The following C1orf167 variants were observed in gnomAD, a reference collection of about 807,000 sequenced individuals.
The protein encoded by C1orf167 is chromosome 1 open reading frame 167.
Under a neutral mutation model 176.5 loss-of-function variants are expected in C1orf167, and 153 were observed. The observed-to-expected ratio is 0.87, with a 90% CI of 0.76 to 0.99. The LOEUF is 0.99. Ranked by LOEUF, C1orf167 falls within the 50% of genes least tolerant of loss-of-function variation. The probability of loss-of-function intolerance (pLI) is 0.00; values close to 1 mark genes in which losing one functional copy is unlikely to be tolerated. For synonymous variants in C1orf167, 594 were observed against 752.7 expected (o/e 0.79, Z 3.45); for missense variants, 1,490 against 1,817.7 (o/e 0.82, Z 3.28).
rs1340080517 is a variant in C1orf167 at position 11,773,064 on chromosome 1, AT to A, written c.1988+813del. On this transcript the variant is annotated intron_variant, in intron 8 of 20. Coordinates refer to ENST00000688073, the MANE Select transcript of C1orf167 (RefSeq NM_001010881.2). ...AGGCACATGCCACCACGCCCGGCTA[AT>A]TTTTTTTGTATTTTTAGCAGAGTCA... Among the ~76,000 whole-genome samples, 4 of 151,466 alleles carry A rather than the reference AT, an allele frequency of 2.6e-5. No individual in the cohort carries two copies. The South Asian group carries it at 6.3e-4, about 24-fold the overall frequency.
In C1orf167 at chr1:11,782,285, C is replaced by G. The variant is rs1455982432; in HGVS notation, c.2957C>G (p.Ala986Gly). 17 of 1,299,780 alleles carry G rather than the reference C, an allele frequency of 1.3e-5. No individual in the cohort carries two copies. Among genetic ancestry groups the G allele is most frequent in the South Asian group, 2.5e-5 (2 of 80,368 alleles). 80.5% of individuals were successfully genotyped at this position (1,299,780 alleles called of 1,614,324 possible). Residue 986 changes from alanine to glycine, a missense_variant, in exon 14 of 21, where the codon GCT (alanine) becomes GGT (glycine). Transcript: ENST00000688073. ...VVFRSWQQAA[A>G]HQRCTVTRPE... ...TTCCGGAGCTGGCAGCAGGCAGCAG[C>G]TCATCAGAGATGCACAGTGACCCGG...
intron 6 of C1orf167, among the ~76,000 whole-genome samples, chr1:11,770,610 ATTT>A (rs113478214): frequency 2.2e-5 from 3 of 134,874 alleles, no homozygotes; most frequent in African/African-American, 8.2e-5. Context: ...CGCCTGGCTG[ATTT>A]TTTTTTTTTT....
intron 17 of C1orf167, 128 bp from the exon 18 acceptor site, chr1:11,787,745 C>A: frequency 8.7e-7 from 1 of 1,148,122 alleles, no homozygotes; most frequent in Non-Finnish European, 1.1e-6. Context: ...GAGATGGGGG[C>A]AGGGCACAAG....
intron 4 of C1orf167, 35 bp downstream of exon 4, chr1:11,767,299 G>T (rs769794710): frequency 1.4e-5 from 17 of 1,252,692 alleles, no homozygotes; most frequent in Admixed American, 2.3e-5. Context: ...AGGGGTTGGA[G>T]TTGGGGGACA....
chr1:11,775,742 C>T (rs1294282901), intron 9 of C1orf167, 132 bp downstream of exon 9: 4 of 1,129,652 alleles, frequency 3.5e-6, no homozygotes, highest in Non-Finnish European at 4.6e-6. Context: ...AGCCTGTAGG[C>T]CTGGGAGGGT....
chr1:11,782,564 A>G (rs998956029), intron 14 of C1orf167, among the ~76,000 whole-genome samples: 3 of 152,302 alleles, frequency 2.0e-5, no homozygotes, highest in East Asian at 1.9e-4. Context: ...TGTGGCCCCA[A>G]CAAGCCCCGG....
chr1:11,764,268 A>C, intron 1 of C1orf167, 63 bp from the exon 2 acceptor site: 1 of 593,504 alleles, frequency 1.7e-6, no homozygotes, highest in Non-Finnish European at 2.8e-6. Context: ...TAAAGGGAGG[A>C]GGTAGGGATC....
At chr1:11,789,040 C>G (rs540959127) in intron 20 of C1orf167, 26 of 406,218 alleles carry the variant, frequency 6.4e-5, no homozygotes, top group South Asian at 5.3e-4. Context: ...GGCCTGGGTC[C>G]TGAGCGCCCC....
chr1:11,787,367 CCT>C lies in C1orf167; in HGVS notation c.3568-16_3568-15del. 1 of 1,264,748 alleles carries C rather than the reference CCT, an allele frequency of 7.9e-7. No individual in the cohort carries two copies. Among genetic ancestry groups the C allele is most frequent in the African/African-American group, 1.5e-5 (1 of 64,856 alleles). The allele number at this position is 1,264,748 out of a possible 1,614,324, so 78.3% of individuals were successfully genotyped here. A position where few individuals can be genotyped will look rare whatever the true frequency, so the allele number is the denominator to read the frequency against. ...TCCAAGCCCATGGGGTTCAGGTGCT[CCT>C]CTCTGGCTATTCCTTCAGACCCGCA... On this transcript the variant is annotated intron_variant, in intron 16 of 20. Coordinates refer to ENST00000688073, the MANE Select transcript of C1orf167 (RefSeq NM_001010881.2).
In C1orf167 at chr1:11,782,295, A is replaced by G; in HGVS notation, c.2967A>G (p.Arg989=). The change falls in exon 14 of 21, where the codon AGA becomes AGG. Residue 989 remains arginine, a synonymous_variant. Coordinates refer to ENST00000688073, the MANE Select transcript of C1orf167 (RefSeq NM_001010881.2). The stretch of plus-strand genomic sequence containing the variant: ...GGCAGCAGGCAGCAGCTCATCAGAG[A>G]TGCACAGTGACCCGGCCAGAGCAGC... ...RSWQQAAAHQ[R]CTVTRPEQLL... is the part of the protein sequence containing the mutation. The G allele has an allele frequency of 1.5e-6, 2 of 1,290,674 alleles. No homozygotes were observed. The highest frequency in any genetic ancestry group is 2.0e-6 in the Non-Finnish European group (2 of 984,414). 80.0% of individuals were successfully genotyped at this position (1,290,674 alleles called of 1,614,324 possible). A position where few individuals can be genotyped will look rare whatever the true frequency, so the allele number is the denominator to read the frequency against.
rs1027306413 is a variant in C1orf167 at position 11,762,215 on chromosome 1, C to G, written c.-161C>G. The G allele has an allele frequency of 2.1e-4, 96 of 447,646 alleles. No individual in the cohort carries two copies. The highest frequency in any genetic ancestry group is 3.6e-4 in the Non-Finnish European group (79 of 220,764). The allele number at this position is 447,646 out of a possible 1,614,324, so 27.7% of individuals were successfully genotyped here. Reference sequence around the variant, plus strand: ...TCCGACGTCCCCTCCCGCCCGCGACCTGCCGACCTGCGGGGATCGTTAGCG... The same window carrying G: ...TCCGACGTCCCCTCCCGCCCGCGACGTGCCGACCTGCGGGGATCGTTAGCG... On this transcript the variant is annotated 5_prime_UTR_variant, in exon 1 of 21. Coordinates refer to ENST00000688073, the MANE Select transcript of C1orf167 (RefSeq NM_001010881.2).
In C1orf167 at chr1:11,788,273, G is replaced by A. The variant is rs953945921; in HGVS notation, c.3973G>A (p.Gly1325Ser). 7.7e-7 allele frequency: 1 copy of A among 1,303,916 alleles called. No individual in the cohort carries two copies. The highest frequency in any genetic ancestry group is 2.2e-4 in the Middle Eastern group (1 of 4,618). The allele number at this position is 1,303,916 out of a possible 1,614,324, so 80.8% of individuals were successfully genotyped here. A position where few individuals can be genotyped will look rare whatever the true frequency, so the allele number is the denominator to read the frequency against. The change falls in exon 19 of 21, where the codon GGC becomes AGC. Residue 1325 changes from glycine to serine, a missense_variant. Physicochemically the swap from Gly to Ser is moderately conservative, Grantham distance 56 (BLOSUM62 0). Transcript: ENST00000688073. ...AGTACCTGCAGCGCCGGTGCCTCGA[G>A]GCACTGCTTCACGGGCTGCGGGGTT... ...EEVPAAPVPR[G>S]TASRAAGFPA...
chr1:11,775,632 C>T (rs1443344627), intron 9 of C1orf167, 22 bp downstream of exon 9: 2 of 1,289,352 alleles, frequency 1.6e-6, no homozygotes, highest in Non-Finnish European at 2.0e-6. Flanking sequence ...TTGGCTTCCG[C>T]CCCAGCAAAC....
rs534045485 is a variant in C1orf167, at chr1:11,788,202, T to G, written c.3902T>G (p.Leu1301Arg). The change falls in exon 19 of 21, where the codon CTC becomes CGC. Residue 1301 changes from leucine (L) to arginine (R), a missense_variant. Coordinates refer to ENST00000688073, the MANE Select transcript of C1orf167 (RefSeq NM_001010881.2). ...CAGGCCCAGGCCCATGGCTCTGCCC[T>G]CCTTCTGGCCCTGAAGGGTCACGAT... Reference protein sequence around the residue: ...EKQAQAHGSALLLALKGHDAL... With the variant: ...EKQAQAHGSARLLALKGHDAL... The G allele has an allele frequency of 1.9e-5, 25 of 1,299,376 alleles. No homozygotes were observed. In the South Asian group the frequency reaches 3.1e-4, roughly 16 times the overall value. The allele number at this position is 1,299,376 out of a possible 1,614,324, so 80.5% of individuals were successfully genotyped here.
At position 11,768,113 on chromosome 1, in the gene C1orf167, G is replaced by T. The variant is rs1473944353; in HGVS notation, c.1380G>T (p.Arg460Ser). The T allele has an allele frequency of 7.8e-7, 1 of 1,289,518 alleles. No individual in the cohort carries two copies. Among genetic ancestry groups the T allele is most frequent in the Non-Finnish European group, 1.0e-6 (1 of 988,750 alleles). The allele number at this position is 1,289,518 out of a possible 1,614,324, so 79.9% of individuals were successfully genotyped here. A position where few individuals can be genotyped will look rare whatever the true frequency, so the allele number is the denominator to read the frequency against. The change falls in exon 5 of 21, where the codon AGG (arginine) becomes AGT (serine). Residue 460 changes from arginine to serine, a missense_variant. Physicochemically the swap from Arg to Ser is moderately radical, Grantham distance 110. Transcript: ENST00000688073. This position sits in a 1 kb window ranked among gnomAD's most constrained non-coding sequence, Gnocchi z 4.5. ...QLLSRCFRSWRHLVKRQREPA... is the reference protein window; with the variant it reads ...QLLSRCFRSWSHLVKRQREPA... ...TGTCCAGATGTTTTCGATCCTGGAG[G>T]CACTTGGTGAAGAGGCAGCGGGAGC...
At chr1:11,764,154 G>A (rs1043882605) in intron 1 of C1orf167, among the ~76,000 whole-genome samples, 177 bp from the exon 2 acceptor site, 1 of 152,154 alleles carries the variant, frequency 6.6e-6, no homozygotes, top group Non-Finnish European at 1.5e-5. Context: ...ATATGGAAAG[G>A]GGGGTGATAA....
At chr1:11,774,166 A>G (rs538957816) in intron 8 of C1orf167, among the ~76,000 whole-genome samples, 1 of 151,956 alleles carries the variant, frequency 6.6e-6, no homozygotes, top group Non-Finnish European at 1.5e-5. Context: ...TGACCTCCCA[A>G]AGTGCTGAGA....
chr1:11,762,834 C>T (rs1368022281), intron 1 of C1orf167, among the ~76,000 whole-genome samples: 1 of 152,246 alleles, frequency 6.6e-6, no homozygotes, highest in South Asian at 2.1e-4. Context: ...AAAAACCAGC[C>T]TGCCCTCGTG....
Position 11,776,484 on chromosome 1 carries a change from G to T in C1orf167, c.2185G>T (p.Ala729Ser). Residue 729 changes from alanine (A) to serine (S), a missense_variant, in exon 10 of 21, where the codon GCA becomes TCA. Physicochemically the swap from Ala to Ser is moderately conservative, Grantham distance 99. Coordinates refer to ENST00000688073, the MANE Select transcript of C1orf167 (RefSeq NM_001010881.2). ...QKAGREAVYT[A>S]GPGACGLGAV... ...CTCAGGACGTGAGGCTGTCTACACC[G>T]CAGGCCCTGGAGCCTGTGGCCTGGG... 4 of 1,301,752 alleles carry T rather than the reference G, an allele frequency of 3.1e-6. No individual in the cohort carries two copies. The highest frequency in any genetic ancestry group is 4.0e-6 in the Non-Finnish European group (4 of 987,914). The allele number at this position is 1,301,752 out of a possible 1,614,324, so 80.6% of individuals were successfully genotyped here.
Sources: gnomAD v4.1 joint callset for allele counts (sites outside exome capture counted in the v4.1 genomes callset) on GRCh38, gnomAD v4.1.1 for gene constraint, Gnocchi (gnomAD v3.1) non-coding constraint, MANE v1.5 for transcripts, NCBI Gene and HGNC (gene_info 2026-07-23, HGNC 2026-07-21) for gene names.